The following RSPRY1 variants were observed in gnomAD, a reference collection of about 807,000 sequenced individuals.
RSPRY1 encodes the protein RING finger and SPRY domain-containing protein 1.
In RSPRY1, 23 loss-of-function variants were observed where a neutral mutation model predicts 73.1. The ratio of observed to expected loss-of-function variants is 0.31; its 90% confidence interval spans 0.23 to 0.45. The LOEUF is 0.45. Among genes scored for constraint, RSPRY1 ranks in the 20% least tolerant of loss-of-function variants. The probability of loss-of-function intolerance (pLI) is 1.00; values close to 1 mark genes in which losing one functional copy is unlikely to be tolerated. For missense variants in RSPRY1, 448 were observed against 698.7 expected (o/e 0.64, Z 4.05); for synonymous variants, 226 against 251.4 (o/e 0.90, Z 0.95).
At chr16:57,222,270 T>A (rs2075050660) in intron 10 of RSPRY1, among the ~76,000 whole-genome samples, 1 of 152,206 alleles carries the variant, frequency 6.6e-6, no homozygotes, top group African/African-American at 2.4e-5. Context: ...ATTTTCTGCT[T>A]TGCTTTTAGA....
At chr16:57,199,222 C>T (rs936502561) in intron 1 of RSPRY1, among the ~76,000 whole-genome samples, 3 of 152,148 alleles carry the variant, frequency 2.0e-5, no homozygotes, top group Admixed American at 6.5e-5. Context: ...CGGCTGGGCG[C>T]GGCGGTTGAT....
At chr16:57,230,089 C>G (rs1189580071) in intron 11 of RSPRY1, among the ~76,000 whole-genome samples, 1 of 144,748 alleles carries the variant, frequency 6.9e-6, no homozygotes, top group African/African-American at 2.6e-5. Flanking sequence ...CGTCTCACTG[C>G]AACCTCCGCC....
At chr16:57,211,904 G>A (rs1245196319) in intron 4 of RSPRY1, among the ~76,000 whole-genome samples, 1 of 152,054 alleles carries the variant, frequency 6.6e-6, no homozygotes. Flanking sequence ...TCATTCATCT[G>A]TTTAAGCCCA....
At chr16:57,227,887 C>A (rs116735111) in intron 11 of RSPRY1, among the ~76,000 whole-genome samples, 1,698 of 152,244 alleles carry the variant, frequency 0.011, 36 homozygotes, top group African/African-American at 0.038. Context: ...GAGGATATAA[C>A]CTCTGGAAGG....
intron 1 of RSPRY1, among the ~76,000 whole-genome samples, chr16:57,190,546 G>A (rs1348078465): frequency 6.6e-6 from 1 of 152,168 alleles, no homozygotes; most frequent in Non-Finnish European, 1.5e-5. Context: ...TTCTCTTCAA[G>A]CTTTTGGCAT....
At chr16:57,195,009 C>T (rs941461786) in intron 1 of RSPRY1, among the ~76,000 whole-genome samples, 1 of 151,288 alleles carries the variant, frequency 6.6e-6, no homozygotes, top group Non-Finnish European at 1.5e-5. Context: ...AAATATAAAG[C>T]GTTAGGTGCT....
chr16:57,221,358 C>T lies in RSPRY1; in HGVS notation c.1104C>T (p.Val368=). ...AGVWYYEVTV[V]TSGVMQIGWA... ...TATGGTACTATGAAGTAACAGTGGTCACTTCTGGCGTCATGCAGATTGGCT... is the reference window on the plus strand; with the variant it reads ...TATGGTACTATGAAGTAACAGTGGTTACTTCTGGCGTCATGCAGATTGGCT... Residue 368 remains valine, a synonymous_variant, in exon 10 of 15, where the codon GTC becomes GTT. Transcript: ENST00000394420. 1 of 1,613,990 alleles carries T rather than the reference C, an allele frequency of 6.2e-7. No homozygotes were observed. Among genetic ancestry groups the T allele is most frequent in the Non-Finnish European group, 8.5e-7 (1 of 1,179,932 alleles).
intron 1 of RSPRY1, among the ~76,000 whole-genome samples, chr16:57,188,747 G>T (rs1241415150): frequency 1.3e-5 from 2 of 151,968 alleles, no homozygotes; most frequent in African/African-American, 2.4e-5. Context: ...AACTCCCGAC[G>T]TCCTGTAATC....
intron 10 of RSPRY1, among the ~76,000 whole-genome samples, chr16:57,226,395 T>C (rs1252542407): frequency 2.0e-5 from 3 of 152,322 alleles, no homozygotes; most frequent in African/African-American, 7.2e-5. Context: ...GGCTACTCTA[T>C]AGGCAGAGCA....
rs540782546 is a variant in RSPRY1, at chr16:57,239,299, T to C, written c.*324T>C. 6.0e-6 allele frequency: 1 copy of C among 166,040 alleles called. No individual in the cohort carries two copies. The highest frequency in any genetic ancestry group is 1.3e-5 in the Non-Finnish European group (1 of 76,926). The allele number at this position is 166,040 out of a possible 1,614,324, so 10.3% of individuals were successfully genotyped here. On this transcript the variant is annotated 3_prime_UTR_variant, in exon 15 of 15. Coordinates refer to ENST00000394420, the MANE Select transcript of RSPRY1 (RefSeq NM_133368.3). ...CTGGAATCCCCCTTGTTGGGTTCAT[T>C]TGATTGTTTAACACAGGATGTGTTG...
At chr16:57,192,473 C>T (rs1433925201) in intron 1 of RSPRY1, among the ~76,000 whole-genome samples, 1 of 152,144 alleles carries the variant, frequency 6.6e-6, no homozygotes, top group Non-Finnish European at 1.5e-5. Flanking sequence ...AGATTTCAGG[C>T]AGGGATTATT....
At chr16:57,199,895 G>GTTTTTTTTT (rs61132783) in intron 1 of RSPRY1, among the ~76,000 whole-genome samples, 1 of 106,248 alleles carries the variant, frequency 9.4e-6, no homozygotes, top group Non-Finnish European at 1.9e-5. Context: ...TTTTTTGTTT[G>GTTTTTTTTT]TTTTTTTTTT....
rs548103844 is a variant in RSPRY1 at position 57,216,456 on chromosome 16, G to A, written c.769+283G>A. On this transcript the variant is annotated intron_variant, in intron 7 of 14. Transcript: ENST00000394420. ...TCTAGAAAAAAGTATGGTGGCTCTT[G>A]CCCATAATCCCAGCACTTTGGGAAG... 2.2e-5 allele frequency: 9 copies of A among 403,468 alleles called. No individual in the cohort carries two copies. The East Asian group carries it at 2.8e-4, about 13-fold the overall frequency. The allele number at this position is 403,468 out of a possible 1,614,324, so 25.0% of individuals were successfully genotyped here.
At chr16:57,214,543 T>G (rs2074904443) in intron 6 of RSPRY1, among the ~76,000 whole-genome samples, 1 of 152,248 alleles carries the variant, frequency 6.6e-6, no homozygotes, top group Admixed American at 6.5e-5. Flanking sequence ...CTGAAAACCC[T>G]TATTTGTCAA....
chr16:57,203,301 GTAAA>G lies in RSPRY1; in HGVS notation c.-155-1194_-155-1191del, dbSNP rs1431459921. Among the ~76,000 whole-genome samples, 56 of 152,174 alleles carry G rather than the reference GTAAA, an allele frequency of 3.7e-4. 1 individual carries two copies. Among genetic ancestry groups the G allele is most frequent in the Admixed American group, 3.4e-3 (52 of 15,268 alleles). On this transcript the variant is annotated intron_variant, in intron 1 of 14. Coordinates refer to ENST00000394420, the MANE Select transcript of RSPRY1 (RefSeq NM_133368.3). Reference sequence around the variant, plus strand: ...ATAGAGCGAGACTCCTCAAAAATAAGTAAATAAATAAACAAATAAAATAATGGGA... The same window carrying G: ...ATAGAGCGAGACTCCTCAAAAATAAGTAAATAAACAAATAAAATAATGGGA...
chr16:57,212,897 T>TTA, intron 4 of RSPRY1, 75 bp from the exon 5 acceptor site: 1 of 1,492,294 alleles, frequency 6.7e-7, no homozygotes, highest in Non-Finnish European at 9.1e-7. Flanking sequence ...AGCTTTTGTC[T>TTA]CAAAAAAAAA....
In RSPRY1 at chr16:57,238,866, T is replaced by C. The variant is rs770448631; in HGVS notation, c.1635-13T>C. 6 of 1,523,488 alleles carry C rather than the reference T, an allele frequency of 3.9e-6. No homozygotes were observed. In the South Asian group the frequency reaches 7.8e-5, roughly 20 times the overall value. The allele number at this position is 1,523,488 out of a possible 1,614,324, so 94.4% of individuals were successfully genotyped here. ...AGCATTAACTTGACTGACTTTTCTGTGTTTCTCCCCAGTGACCTGTGCATG... is the reference window on the plus strand; with the variant it reads ...AGCATTAACTTGACTGACTTTTCTGCGTTTCTCCCCAGTGACCTGTGCATG... On this transcript the variant is annotated splice_polypyrimidine_tract_variant and intron_variant, in intron 14 of 14. Transcript: ENST00000394420.
chr16:57,200,973 A>C (rs1034101555), intron 1 of RSPRY1, among the ~76,000 whole-genome samples: 780 of 11,610 alleles, frequency 0.067, no homozygotes, highest in Non-Finnish European at 0.092. Context: ...TGACCCCCCC[A>C]CCTCCCTCCC....
At chr16:57,208,926 C>T (rs1293632072) in intron 3 of RSPRY1, 149 bp from the exon 4 acceptor site, 1 of 567,210 alleles carries the variant, frequency 1.8e-6, no homozygotes, top group Non-Finnish European at 3.1e-6. Flanking sequence ...CGATGACTAG[C>T]AATTGATGAT....
Sources: allele counts gnomAD v4.1 joint callset (sites outside exome capture counted in the v4.1 genomes callset), GRCh38; gene constraint gnomAD v4.1.1; transcripts MANE v1.5; gene names NCBI Gene and HGNC (gene_info 2026-07-23, HGNC 2026-07-21).